DACT2: variants seen among roughly 807,000 people sequenced by gnomAD.
DACT2 encodes the protein dishevelled binding antagonist of beta catenin 2, also known as dapper homolog 2.
Under a neutral mutation model 22.2 loss-of-function variants are expected in DACT2, and 20 were observed. The ratio of observed to expected loss-of-function variants is 0.90; its 90% CI spans 0.63 to 1.31. The LOEUF (loss-of-function observed/expected upper bound fraction) is 1.31. DACT2 is among the 50% of genes most tolerant of loss of function. The pLI, the probability that DACT2 is intolerant of heterozygous loss-of-function variation, is 0.00. For synonymous variants in DACT2, 463 were observed against 479.8 expected, an observed-to-expected ratio of 0.96 and a Z score of 0.46; for missense variants, 1,048 against 1,061.4, an observed-to-expected ratio of 0.99 and a Z score of 0.18.
chr6:168,300,814 G>A (rs555005845), intron 3 of DACT2, among the ~76,000 whole-genome samples: 8 of 152,026 alleles, frequency 5.3e-5, no homozygotes, highest in African/African-American at 1.2e-4. Flanking sequence ...GTGAAACCCC[G>A]TCTATGCTAA....
chr6:168,301,803 G>A (rs560098033), intron 3 of DACT2, among the ~76,000 whole-genome samples: 11 of 152,290 alleles, frequency 7.2e-5, no homozygotes, highest in Middle Eastern at 6.8e-3. Flanking sequence ...GTCCACACCC[G>A]GCGGCCTTTG....
At chr6:168,299,071 C>G (rs1402893365) in intron 3 of DACT2, 2 of 152,192 alleles carry the variant, frequency 1.3e-5, no homozygotes, top group Non-Finnish European at 2.9e-5. Flanking sequence ...TGTCCCTTAA[C>G]CCAAATAGTT....
At chr6:168,315,746 C>G (rs1195296429) in intron 1 of DACT2, among the ~76,000 whole-genome samples, 1 of 152,214 alleles carries the variant, frequency 6.6e-6, no homozygotes, top group African/African-American at 2.4e-5. Flanking sequence ...TTCCTGCAGG[C>G]TAAATCTGCT....
chr6:168,294,131 A>C lies in DACT2; in HGVS notation c.795+2T>G, dbSNP rs1044576266. On this transcript the variant is annotated splice_donor_variant, in intron 5 of 5. Transcript: ENST00000366796. LOFTEE classifies it high-confidence loss of function. ...CACAGACAGTGAGCATGGAGCACTT[A>C]CCACTGAGCAGAAAGGGAGCTGACA... The C allele has an allele frequency of 1.4e-6, 1 of 702,976 alleles. No homozygotes were observed. The allele number at this position is 702,976 out of a possible 1,614,324, so 43.5% of individuals were successfully genotyped here. A position where few individuals can be genotyped will look rare whatever the true frequency, so the allele number is the denominator to read the frequency against.
Position 168,307,814 on chromosome 6 carries a change from G to T in DACT2, c.1943C>A (p.Pro648His). 3 of 1,540,068 alleles carry T rather than the reference G, an allele frequency of 1.9e-6. No homozygotes were observed. The highest frequency in any genetic ancestry group is 1.7e-6 in the Non-Finnish European group (2 of 1,145,598). Residue 648 changes from proline (P) to histidine (H), a missense_variant, in exon 4 of 4, where the codon CCC becomes CAC. Coordinates refer to ENST00000366795, the MANE Select transcript of DACT2 (RefSeq NM_214462.5). The surrounding 1 kb of genome is among the most constrained non-coding windows in gnomAD (Gnocchi z 5.3). The part of the protein sequence containing the change: ...RAGGPLARGR[P>H]SLVRQDAYTR... ...GTAGGCGTCCTGGCGGACCAGTGAG[G>T]GACGGCCCCGGGCCAGTGGGCCACC...
rs1177617130 is a variant in DACT2, at chr6:168,294,577, G to GTGTGTATA, written c.730+55_730+56insTATACACA. 1.5e-3 allele frequency: 189 copies of GTGTGTATA among 124,456 alleles called. 3 individuals are homozygous for GTGTGTATA. The highest frequency in any genetic ancestry group is 0.01 in the African/African-American group (178 of 17,578). The allele number at this position is 124,456 out of a possible 1,614,324, so 7.7% of individuals were successfully genotyped here. ...TGTGTGTGTATGTGTGTGTGTGTGTGTATATATATATATATATATATATAT... is the reference window on the plus strand; with the variant it reads ...TGTGTGTGTATGTGTGTGTGTGTGTGTGTGTATATATATATATATATATATATATATAT... On this transcript the variant is annotated intron_variant, in intron 4 of 5. Transcript: ENST00000366796.
Position 168,293,703 on chromosome 6 carries a change from C to T in DACT2, c.*191G>A, listed in dbSNP as rs941429690. The T allele has an allele frequency of 5.0e-6, 3 of 594,494 alleles. No homozygotes were observed. The African/African-American group carries it at 5.6e-5, about 11-fold the overall frequency. The allele number at this position is 594,494 out of a possible 1,614,324, so 36.8% of individuals were successfully genotyped here. On this transcript the variant is annotated 3_prime_UTR_variant, in exon 6 of 6. Coordinates refer to the DACT2 transcript ENST00000366796. Reference sequence around the variant, plus strand: ...TTCAACTTTCCACGTAAAGGAAATTCCACTGACCAGCAGTCCTTTCTGGAC... The same window carrying T: ...TTCAACTTTCCACGTAAAGGAAATTTCACTGACCAGCAGTCCTTTCTGGAC...
intron 1 of DACT2, 84 bp from the exon 2 acceptor site, chr6:168,311,368 T>A: frequency 1.4e-6 from 2 of 1,416,486 alleles, no homozygotes; most frequent in Non-Finnish European, 1.9e-6. Flanking sequence ...ACATGCATTG[T>A]GAATGCAATT....
downstream of DACT2, among the ~76,000 whole-genome samples, chr6:168,302,725 C>T (rs1779132225): frequency 6.6e-6 from 1 of 152,194 alleles, no homozygotes; most frequent in Non-Finnish European, 1.5e-5. Flanking sequence ...CCAACCTTGA[C>T]TGCACAGGCA....
intron 1 of DACT2, among the ~76,000 whole-genome samples, chr6:168,315,076 G>C (rs150811933): frequency 0.018 from 2,666 of 152,228 alleles, 75 homozygotes; most frequent in African/African-American, 0.055. Flanking sequence ...AGAATCAGAC[G>C]CGCAGCTTGC....
chr6:168,301,755 A>C (rs1324197184), intron 3 of DACT2, among the ~76,000 whole-genome samples: 1 of 152,086 alleles, frequency 6.6e-6, no homozygotes, highest in Non-Finnish European at 1.5e-5. Context: ...TGCCCAGCCC[A>C]CTCACTGCGG....
downstream of DACT2, chr6:168,306,758 A>T: frequency 1.8e-6 from 1 of 563,552 alleles, no homozygotes; most frequent in Non-Finnish European, 2.2e-6. Context: ...CCTATGCTTT[A>T]CTTTTTATAC....
chr6:168,307,104 G>T lies in DACT2; in HGVS notation c.*328C>A. The T allele has an allele frequency of 9.0e-7, 1 of 1,115,050 alleles. No individual in the cohort carries two copies. Among genetic ancestry groups the T allele is most frequent in the Non-Finnish European group, 1.1e-6 (1 of 911,740 alleles). 69.1% of individuals were successfully genotyped at this position (1,115,050 alleles called of 1,614,324 possible). On this transcript the variant is annotated 3_prime_UTR_variant, in exon 4 of 4. Coordinates refer to ENST00000366795, the MANE Select transcript of DACT2 (RefSeq NM_214462.5). The surrounding 1 kb of genome is among the most constrained non-coding windows in gnomAD (Gnocchi z 5.3). The stretch of plus-strand genomic sequence containing the variant: ...CTTCCCCAGCCAGAGGGGAGTGAGG[G>T]CAGGGGAAGCCATGGGAGGATGACA...
chr6:168,310,970 A>G (rs1779382335), intron 2 of DACT2, among the ~76,000 whole-genome samples, 182 bp downstream of exon 2: 1 of 152,242 alleles, frequency 6.6e-6, no homozygotes, highest in Non-Finnish European at 1.5e-5. Flanking sequence ...ATATGCCCTG[A>G]GAAAGGCTTC....
rs1167883733 is a variant in DACT2, at chr6:168,311,079, G to A, written c.379+73C>T. 2.1e-5 allele frequency: 30 copies of A among 1,426,784 alleles called. No individual in the cohort carries two copies. In the South Asian group the frequency reaches 3.9e-4, roughly 19 times the overall value. The allele number at this position is 1,426,784 out of a possible 1,614,324, so 88.4% of individuals were successfully genotyped here. On this transcript the variant is annotated intron_variant, in intron 2 of 3. Coordinates refer to ENST00000366795, the MANE Select transcript of DACT2 (RefSeq NM_214462.5). ...ATGGAATTTCAGCCCAAGAGGGGCTGGCGGGATAGGCTTCACCTCTGCCTG... is the reference window on the plus strand; with the variant it reads ...ATGGAATTTCAGCCCAAGAGGGGCTAGCGGGATAGGCTTCACCTCTGCCTG...
chr6:168,294,197 C>G, exon 5 of DACT2: 1 of 702,964 alleles, frequency 1.4e-6, no homozygotes. Flanking sequence ...AGAACCTACA[C>G]CTAACACAGA....
At chr6:168,311,902 C>T (rs1384656594) in intron 1 of DACT2, among the ~76,000 whole-genome samples, 1 of 152,206 alleles carries the variant, frequency 6.6e-6, no homozygotes, top group Non-Finnish European at 1.5e-5. Flanking sequence ...CCTGTACTAA[C>T]GCTTTACGCA....
At chr6:168,302,405 A>G (rs61200916), downstream of DACT2, among the ~76,000 whole-genome samples, 18,124 of 152,194 alleles carry the variant, frequency 0.12, 1,240 homozygotes, top group Middle Eastern at 0.19. Context: ...TGCTATATAC[A>G]TAACCTGTTT....
chr6:168,311,389 A>G, intron 1 of DACT2, 105 bp from the exon 2 acceptor site: 4 of 1,352,418 alleles, frequency 3.0e-6, no homozygotes, highest in Non-Finnish European at 3.9e-6. Context: ...TAAACTCCCA[A>G]AGTCCACGCG....
Sources: allele counts gnomAD v4.1 joint callset (sites outside exome capture counted in the v4.1 genomes callset), GRCh38; gene constraint gnomAD v4.1.1; non-coding constraint Gnocchi (gnomAD v3.1); transcripts MANE v1.5; gene names NCBI Gene and HGNC (gene_info 2026-07-23, HGNC 2026-07-21).